The following DENND1A variants were observed in gnomAD, a reference collection of about 807,000 sequenced individuals.
The protein encoded by DENND1A is DENN domain-containing protein 1A.
A neutral mutation model predicts 113.7 loss-of-function variants in DENND1A; 51 were observed. That is an observed-to-expected ratio of 0.45 (90% CI 0.36 to 0.57). The LOEUF is 0.57. Ranked by LOEUF, DENND1A falls within the 20% of genes least tolerant of loss-of-function variation. The pLI is 0.00. For missense variants in DENND1A, 1,258 were observed against 1,395.9 expected (o/e 0.90, Z 1.57); for synonymous variants, 565 against 570.8 (o/e 0.99, Z 0.14).
At chr9:123,735,996 C>T (rs1255148523) in intron 5 of DENND1A, among the ~76,000 whole-genome samples, 1 of 152,074 alleles carries the variant, frequency 6.6e-6, no homozygotes, top group African/African-American at 2.4e-5. Context: ...CAGAGTAAGG[C>T]CCTGTCTCCA....
chr9:123,775,526 G>C (rs1830336926), intron 3 of DENND1A, among the ~76,000 whole-genome samples: 1 of 149,470 alleles, frequency 6.7e-6, no homozygotes, highest in Admixed American at 6.6e-5. Context: ...TAAAAGAAAA[G>C]GGGAAAAAAA....
intron 1 of DENND1A, 60 bp from the exon 2 acceptor site, chr9:123,879,081 G>A: frequency 6.6e-7 from 1 of 1,524,868 alleles, no homozygotes; most frequent in Non-Finnish European, 9.1e-7. Flanking sequence ...TATAGAACAT[G>A]TGGGCTATGG....
At chr9:123,705,092 A>C (rs1484158855) in intron 5 of DENND1A, among the ~76,000 whole-genome samples, 1 of 152,066 alleles carries the variant, frequency 6.6e-6, no homozygotes, top group Non-Finnish European at 1.5e-5. Flanking sequence ...AAACAAACAC[A>C]TGAGAGACAA....
chr9:123,615,774 C>A (rs2137977289), intron 10 of DENND1A, among the ~76,000 whole-genome samples: 1 of 152,320 alleles, frequency 6.6e-6, no homozygotes, highest in South Asian at 2.1e-4. Flanking sequence ...AGCACAGAAT[C>A]CTGTTTCCCA....
chr9:123,753,297 A>G (rs2070223938), intron 5 of DENND1A, among the ~76,000 whole-genome samples: 1 of 152,236 alleles, frequency 6.6e-6, no homozygotes, highest in Non-Finnish European at 1.5e-5. Flanking sequence ...CCCAGCCTTC[A>G]TGGAGCTCAT....
chr9:123,409,396 C>T (rs559384643), intron 20 of DENND1A, among the ~76,000 whole-genome samples: 12 of 151,848 alleles, frequency 7.9e-5, no homozygotes, highest in African/African-American at 2.9e-4. Flanking sequence ...CAACATGATG[C>T]TAAAGGAAAT....
intron 2 of DENND1A, among the ~76,000 whole-genome samples, chr9:123,863,859 T>G (rs1202587153): frequency 6.6e-6 from 1 of 152,190 alleles, no homozygotes; most frequent in East Asian, 1.9e-4. Flanking sequence ...GCACAAGAAC[T>G]ATATCCGAAG....
At chr9:123,636,429 G>A (rs988040977) in intron 9 of DENND1A, among the ~76,000 whole-genome samples, 1 of 151,810 alleles carries the variant, frequency 6.6e-6, no homozygotes, top group Non-Finnish European at 1.5e-5. Flanking sequence ...TGATTCTCCT[G>A]CCTCAGCCTC....
At chr9:123,509,003 C>T (rs1176135479) in intron 13 of DENND1A, among the ~76,000 whole-genome samples, 1 of 152,114 alleles carries the variant, frequency 6.6e-6, no homozygotes, top group Non-Finnish European at 1.5e-5. Context: ...AAATCAGCCT[C>T]TAGAAGGCAC....
In DENND1A at chr9:123,930,106, G is replaced by A. The variant is rs1424895128; in HGVS notation, c.-201C>T. On this transcript the variant is annotated 5_prime_UTR_variant, in exon 1 of 24. Coordinates refer to ENST00000394215, the MANE Select transcript of DENND1A (RefSeq NM_001352964.2). ...ATGTACTCGCTCCAGCCCGGCGAAC[G>A]CCATGGTCGCCGGCGCGCGTGCCCG... The A allele has an allele frequency of 3.6e-4, 70 of 196,280 alleles. 1 individual carries two copies. The highest frequency in any genetic ancestry group is 2.4e-5 in the African/African-American group (1 of 41,570). The allele number at this position is 196,280 out of a possible 1,614,324, so 12.2% of individuals were successfully genotyped here.
chr9:123,836,315 G>A (rs1841038533), intron 2 of DENND1A, among the ~76,000 whole-genome samples: 1 of 152,072 alleles, frequency 6.6e-6, no homozygotes, highest in African/African-American at 2.4e-5. Context: ...ATACCCCTGG[G>A]CTCACATATG....
chr9:123,408,050 C>T lies in DENND1A; in HGVS notation c.1542+3726G>A, dbSNP rs372985898. 1.6e-3 allele frequency among the ~76,000 whole-genome samples: 247 copies of T among 152,282 alleles called. 8 individuals are homozygous for T. In the South Asian group the frequency reaches 0.05, roughly 31 times the overall value. On this transcript the variant is annotated intron_variant, in intron 20 of 23. Transcript: ENST00000394215. The stretch of plus-strand genomic sequence containing the variant: ...TCGGGTAACATCTGAACTCCAGCCA[C>T]AGGTGCCAGGCTACAAAGCTCCTTC...
intron 19 of DENND1A, among the ~76,000 whole-genome samples, chr9:123,423,666 C>A (rs765381415): frequency 6.6e-6 from 1 of 152,146 alleles, no homozygotes; most frequent in Non-Finnish European, 1.5e-5. Flanking sequence ...TGGCTGCACA[C>A]GCTCATGTAT....
intron 13 of DENND1A, among the ~76,000 whole-genome samples, chr9:123,507,168 G>A (rs755735094): frequency 9.9e-5 from 15 of 152,130 alleles, no homozygotes; most frequent in Non-Finnish European, 1.5e-4. Flanking sequence ...CAGCCTGGGC[G>A]ACAGAGTGAG....
chr9:123,664,801 T>C (rs2063416012), intron 8 of DENND1A, among the ~76,000 whole-genome samples: 1 of 152,204 alleles, frequency 6.6e-6, no homozygotes, highest in Admixed American at 6.5e-5. Context: ...TTTAGTATGC[T>C]CTATTTTGAA....
chr9:123,667,129 T>C (rs539406588), intron 7 of DENND1A, 50 bp from the exon 8 acceptor site: 25 of 1,525,728 alleles, frequency 1.6e-5, no homozygotes, highest in Middle Eastern at 1.7e-4. Flanking sequence ...TGTGTAACAA[T>C]TGCATTACTC....
At chr9:123,387,527 G>A (rs1359617275) in intron 22 of DENND1A, among the ~76,000 whole-genome samples, 4 of 152,168 alleles carry the variant, frequency 2.6e-5, no homozygotes, top group East Asian at 3.9e-4. Flanking sequence ...AGCCTCTGTG[G>A]AGCTGGCAAA....
chr9:123,782,942 T>C (rs1201073007), intron 3 of DENND1A, among the ~76,000 whole-genome samples: 2 of 151,194 alleles, frequency 1.3e-5, no homozygotes, highest in Admixed American at 1.3e-4. Context: ...ACTTCTGAAA[T>C]CTGAAACTGA....
At chr9:123,915,611 A>G (rs2134083455) in intron 1 of DENND1A, among the ~76,000 whole-genome samples, 1 of 152,302 alleles carries the variant, frequency 6.6e-6, no homozygotes, top group South Asian at 2.1e-4. Flanking sequence ...AGAGAGAAGT[A>G]CTATAAAGTT....
Sources: gnomAD v4.1 joint callset for allele counts (sites outside exome capture counted in the v4.1 genomes callset) on GRCh38, gnomAD v4.1.1 for gene constraint, MANE v1.5 for transcripts, NCBI Gene and HGNC (gene_info 2026-07-23, HGNC 2026-07-21) for gene names.